The following PRPF19 variants were observed in gnomAD, a reference collection of about 807,000 sequenced individuals.
PRPF19 encodes the protein pre-mRNA processing factor 19, also known as pre-mRNA-processing factor 19.
PRPF19 carries 2 observed loss-of-function variants against 64.2 expected under a neutral mutation model. That is an observed-to-expected ratio of 0.03 (90% CI 0.01 to 0.10). The LOEUF is 0.10. Ranked by LOEUF, PRPF19 falls within the 10% of genes least tolerant of loss-of-function variation. The pLI, the probability that PRPF19 is intolerant of heterozygous loss-of-function variation, is 1.00. For missense variants in PRPF19, 314 were observed against 650.0 expected (o/e 0.48, Z 5.62); for synonymous variants, 226 against 251.6 (o/e 0.90, Z 0.96).
In PRPF19 at chr11:60,902,852, C is replaced by T; in HGVS notation, c.276G>A (p.Leu92=). ...GGCGGGTTGTCTGCAGCTGCTGGCG[C>T]AGAGTGAAGCTGTGCAGCATGACTG... is the stretch of plus-strand genomic sequence containing the variant. ...WDAVMLHSFT[L]RQQLQTTRQE... The change falls in exon 4 of 16, where the codon CTG becomes CTA. Residue 92 remains leucine (L), a synonymous_variant. Transcript: ENST00000227524. This position sits in a 1 kb window ranked among gnomAD's most constrained non-coding sequence, Gnocchi z 5.0. 1 of 1,613,954 alleles carries T rather than the reference C, an allele frequency of 6.2e-7. No homozygotes were observed. Among genetic ancestry groups the T allele is most frequent in the South Asian group, 1.1e-5 (1 of 91,072 alleles).
In PRPF19 at chr11:60,891,105, C is replaced by CA. The variant is rs1855853715; in HGVS notation, c.*60dup. 2.0e-6 allele frequency: 1 copy of CA among 493,114 alleles called. No homozygotes were observed. The highest frequency in any genetic ancestry group is 3.5e-6 in the Non-Finnish European group (1 of 284,596). The allele number at this position is 493,114 out of a possible 1,614,324, so 30.5% of individuals were successfully genotyped here. On this transcript the variant is annotated 3_prime_UTR_variant, in exon 16 of 16. Transcript: ENST00000227524. Reference sequence around the variant, plus strand: ...CATAGATTCCCCCCACCCCCCCCCCCAAACCCTAATTCTACCCCTCTACTG... The same window carrying CA: ...CATAGATTCCCCCCACCCCCCCCCCCAAAACCCTAATTCTACCCCTCTACTG...
chr11:60,892,391 A>G (rs1360046500), intron 15 of PRPF19, among the ~76,000 whole-genome samples: 4 of 152,212 alleles, frequency 2.6e-5, no homozygotes, highest in African/African-American at 7.2e-5. Flanking sequence ...CCCAATGCTG[A>G]GTGAGAACAA....
intron 7 of PRPF19, 44 bp downstream of exon 7, chr11:60,901,455 C>T (rs1309900165): frequency 1.9e-6 from 3 of 1,613,938 alleles, no homozygotes; most frequent in Admixed American, 3.3e-5. Context: ...CAACCGCCTC[C>T]CACCAGGCCA....
intron 10 of PRPF19, 102 bp downstream of exon 10, chr11:60,900,480 C>T: frequency 1.0e-6 from 1 of 968,498 alleles, no homozygotes. Flanking sequence ...GAGTCAGAGT[C>T]AGAGCTCTTT....
intron 15 of PRPF19, among the ~76,000 whole-genome samples, chr11:60,893,160 A>G (rs1490929470): frequency 6.6e-6 from 1 of 152,232 alleles, no homozygotes; most frequent in Non-Finnish European, 1.5e-5. Context: ...TTGTGGGGAT[A>G]CAGGTATAAA....
rs781761710 is a variant in PRPF19, at chr11:60,901,315, G to A, written c.622C>T (p.Arg208Trp). The A allele has an allele frequency of 1.7e-5, 27 of 1,614,022 alleles. No homozygotes were observed. Among genetic ancestry groups the A allele is most frequent in the Admixed American group, 3.3e-5 (2 of 59,998 alleles). ...LVKPEELSKY[R>W]QVASHVGLHS... is the part of the protein sequence containing the mutation. ...CTCACCACGTGGGATGCCACCTGCC[G>A]GTATTTGCTGAGCTCTTCTGGCTTC... Residue 208 changes from arginine to tryptophan, a missense_variant, in exon 8 of 16, where the codon CGG becomes TGG. Physicochemically the swap from Arg to Trp is moderately radical, Grantham distance 101. Transcript: ENST00000227524.
At chr11:60,894,827 G>A (rs1855902445) in intron 15 of PRPF19, among the ~76,000 whole-genome samples, 1 of 152,212 alleles carries the variant, frequency 6.6e-6, no homozygotes, top group African/African-American at 2.4e-5. Flanking sequence ...CCGAAGATTG[G>A]ATGTTGCAGG....
intron 8 of PRPF19, 83 bp downstream of exon 8, chr11:60,901,212 T>G: frequency 6.9e-7 from 1 of 1,451,380 alleles, no homozygotes; most frequent in East Asian, 2.3e-5. Flanking sequence ...AGCTCTGCAC[T>G]CAGCACTCCC....
chr11:60,904,072 T>TA (rs1856015919), intron 1 of PRPF19, among the ~76,000 whole-genome samples: 1 of 152,106 alleles, frequency 6.6e-6, no homozygotes, highest in African/African-American at 2.4e-5. Context: ...ACTGAGGAGA[T>TA]AGTCTCCTGA....
chr11:60,901,102 G>A (rs1489879816), intron 8 of PRPF19, among the ~76,000 whole-genome samples, 173 bp from the exon 9 acceptor site: 4 of 152,060 alleles, frequency 2.6e-5, no homozygotes, highest in African/African-American at 7.2e-5. Context: ...CTCCCTCACT[G>A]CATCACTAGG....
chr11:60,899,374 G>A (rs980938364), intron 10 of PRPF19, 70 bp from the exon 11 acceptor site: 63 of 1,486,916 alleles, frequency 4.2e-5, no homozygotes, highest in Middle Eastern at 1.7e-4. Context: ...CTTATAAAAC[G>A]GGGCTGGGGA....
At chr11:60,896,777 ATG>A (rs1271533342) in intron 15 of PRPF19, among the ~76,000 whole-genome samples, 1 of 152,158 alleles carries the variant, frequency 6.6e-6, no homozygotes, top group Non-Finnish European at 1.5e-5. Flanking sequence ...GCCTAGGGTA[ATG>A]TGTGCTTGTG....
chr11:60,903,137 C>T (rs1022680627), intron 3 of PRPF19, among the ~76,000 whole-genome samples: 2 of 152,158 alleles, frequency 1.3e-5, no homozygotes, highest in Non-Finnish European at 2.9e-5. Flanking sequence ...ACTGGCAAAT[C>T]CCAGCTGTCA....
rs751082832 is a variant in PRPF19 at position 60,898,164 on chromosome 11, G to T, written c.1248C>A (p.Val416=). 2 of 1,614,218 alleles carry T rather than the reference G, an allele frequency of 1.2e-6. No homozygotes were observed. Among genetic ancestry groups the T allele is most frequent in the Non-Finnish European group, 1.7e-6 (2 of 1,180,044 alleles). The change falls in exon 14 of 16, where the codon GTC becomes GTA. Residue 416 remains valine (V), a synonymous_variant. Transcript: ENST00000227524. This position sits in a 1 kb window ranked among gnomAD's most constrained non-coding sequence, Gnocchi z 4.6. ...YLATAADDSS[V]KLWDLRKLKN... ...TAAGCTTGCGCAGATCCCAGAGCTT[G>T]ACAGAGGAGTCATCAGCCGCTGTAG...
chr11:60,899,758 T>C (rs988802973), intron 10 of PRPF19, among the ~76,000 whole-genome samples: 6 of 152,244 alleles, frequency 3.9e-5, no homozygotes, highest in African/African-American at 1.2e-4. Context: ...TCCACTTTTA[T>C]GGATTTCCAG....
chr11:60,890,752 A>T lies in PRPF19; in HGVS notation c.*414T>A, dbSNP rs977986765. On this transcript the variant is annotated 3_prime_UTR_variant, in exon 16 of 16. Transcript: ENST00000227524. ...TGGTTATTGTTTTCTTTTTTTAATG[A>T]AACTAGATCACTGCTTACAAAACCC... 8 of 457,472 alleles carry T rather than the reference A, an allele frequency of 1.7e-5. No individual in the cohort carries two copies. The highest frequency in any genetic ancestry group is 1.6e-4 in the African/African-American group (8 of 50,026). The allele number at this position is 457,472 out of a possible 1,614,324, so 28.3% of individuals were successfully genotyped here.
rs1855947701 is a variant in PRPF19 at position 60,898,706 on chromosome 11, T to G, written c.1055-80A>C. ...AGAGCAGCAAAGGTAGGTTCCTTGTTCTTCACATTCCTCAGTGAACCCAGC... is the reference window on the plus strand; with the variant it reads ...AGAGCAGCAAAGGTAGGTTCCTTGTGCTTCACATTCCTCAGTGAACCCAGC... On this transcript the variant is annotated intron_variant, in intron 12 of 15. Coordinates refer to ENST00000227524, the MANE Select transcript of PRPF19 (RefSeq NM_014502.5). The surrounding 1 kb of genome is among the most constrained non-coding windows in gnomAD (Gnocchi z 4.6). 1 of 1,603,204 alleles carries G rather than the reference T, an allele frequency of 6.2e-7. No homozygotes were observed. Among genetic ancestry groups the G allele is most frequent in the Non-Finnish European group, 8.5e-7 (1 of 1,174,016 alleles).
chr11:60,905,807 G>A (rs573373594), intron 1 of PRPF19, among the ~76,000 whole-genome samples: 1 of 152,246 alleles, frequency 6.6e-6, no homozygotes, highest in Non-Finnish European at 1.5e-5. Flanking sequence ...ATAAATGTGC[G>A]CTGTTTTTAT....
Position 60,902,476 on chromosome 11 carries a change from G to C in PRPF19, c.463-11C>G. The C allele has an allele frequency of 6.2e-7, 1 of 1,614,052 alleles. No individual in the cohort carries two copies. Among genetic ancestry groups the C allele is most frequent in the South Asian group, 1.1e-5 (1 of 91,084 alleles). On this transcript the variant is annotated splice_polypyrimidine_tract_variant and intron_variant, in intron 5 of 15. Coordinates refer to ENST00000227524, the MANE Select transcript of PRPF19 (RefSeq NM_014502.5). This position sits in a 1 kb window ranked among gnomAD's most constrained non-coding sequence, Gnocchi z 5.0. Reference sequence around the variant, plus strand: ...TGGCTCACCCGCACCCTGAAGAGAAGAAAGGTGAGGGTGAGAGGCACAGAG... The same window carrying C: ...TGGCTCACCCGCACCCTGAAGAGAACAAAGGTGAGGGTGAGAGGCACAGAG...
Sources: allele counts gnomAD v4.1 joint callset (sites outside exome capture counted in the v4.1 genomes callset), GRCh38; gene constraint gnomAD v4.1.1; non-coding constraint Gnocchi (gnomAD v3.1); transcripts MANE v1.5; gene names NCBI Gene and HGNC (gene_info 2026-07-23, HGNC 2026-07-21).